IFT56: variants seen among roughly 807,000 people sequenced by gnomAD.
IFT56 encodes intraflagellar transport protein 56.
At chr7:139,134,820 G>C in the IFT56 span, 1 of 1,607,100 alleles carries the variant, frequency 6.2e-7, no homozygotes, top group East Asian at 2.2e-5. Flanking sequence ...TTGCTTCTTA[G>C]TGTATGAATA....
the IFT56 span, chr7:139,165,272 T>C: frequency 7.2e-7 from 1 of 1,391,252 alleles, no homozygotes; most frequent in Non-Finnish European, 1.0e-6. Flanking sequence ...TACAATGAGA[T>C]ATTTTAGAAT....
At chr7:139,178,582 C>A in the IFT56 span, 2 of 1,614,020 alleles carry the variant, frequency 1.2e-6, no homozygotes, top group Admixed American at 1.7e-5. Context: ...ACAGGCAATA[C>A]CAGTGAGGGC....
the IFT56 span, among the ~76,000 whole-genome samples, chr7:139,175,820 T>TTTTGTTTG: frequency 6.6e-6 from 1 of 151,712 alleles, no homozygotes; most frequent in Non-Finnish European, 1.5e-5. Flanking sequence ...AGTATTTGGT[T>TTTTGTTTG]TTTGTTTGTT....
chr7:139,183,827 A>T, the IFT56 span, among the ~76,000 whole-genome samples: 1 of 152,342 alleles, frequency 6.6e-6, no homozygotes, highest in East Asian at 1.9e-4. Context: ...CACAAATTTT[A>T]ATATTTAAAT....
At chr7:139,157,725 T>C in the IFT56 span, among the ~76,000 whole-genome samples, 1 of 152,050 alleles carries the variant, frequency 6.6e-6, no homozygotes, top group Non-Finnish European at 1.5e-5. Flanking sequence ...AGGTTGGTCT[T>C]GAACTCCTGG....
At chr7:139,178,245 C>G in the IFT56 span, 2 of 1,613,982 alleles carry the variant, frequency 1.2e-6, no homozygotes, top group African/African-American at 2.7e-5. Flanking sequence ...GCATGGCTTC[C>G]TGTTTCTTCC....
chr7:139,169,278 T>C, the IFT56 span: 1 of 1,613,160 alleles, frequency 6.2e-7, no homozygotes, highest in Non-Finnish European at 8.5e-7. Flanking sequence ...TCAGCTCAGT[T>C]TGTTTTTCAG....
chr7:139,169,375 T>A, the IFT56 span: 2 of 1,608,664 alleles, frequency 1.2e-6, no homozygotes, highest in Non-Finnish European at 1.7e-6. Context: ...TCTGTACTTA[T>A]GATCTGCTTC....
the IFT56 span, among the ~76,000 whole-genome samples, chr7:139,149,916 G>C: frequency 1.3e-5 from 2 of 151,564 alleles, no homozygotes; most frequent in Non-Finnish European, 2.9e-5. Flanking sequence ...ATAATATATA[G>C]ATATAGGTAG....
the IFT56 span, chr7:139,137,968 C>A: frequency 7.2e-7 from 1 of 1,383,708 alleles, no homozygotes; most frequent in Non-Finnish European, 1.0e-6. Context: ...TTTTTCCTAA[C>A]AGAACTGTGT....
At chr7:139,179,116 A>G in the IFT56 span, among the ~76,000 whole-genome samples, 6 of 152,338 alleles carry the variant, frequency 3.9e-5, no homozygotes, top group African/African-American at 1.4e-4. Context: ...GAGCTGGCTC[A>G]CACCTATAAT....
chr7:139,159,694 TA>T, the IFT56 span, among the ~76,000 whole-genome samples: 1 of 152,210 alleles, frequency 6.6e-6, no homozygotes, highest in African/African-American at 2.4e-5. Flanking sequence ...GCAAAAAATG[TA>T]AAACAATAAC....
chr7:139,182,105 CG>C, the IFT56 span, among the ~76,000 whole-genome samples: 6 of 145,762 alleles, frequency 4.1e-5, no homozygotes, highest in African/African-American at 1.0e-4. Context: ...TGTGGAGGGG[CG>C]GGGGGAGTTG....
chr7:139,162,173 G>A, the IFT56 span, among the ~76,000 whole-genome samples: 1 of 152,172 alleles, frequency 6.6e-6, no homozygotes, highest in Non-Finnish European at 1.5e-5. Context: ...GAAGCATCTA[G>A]ATAATGTAAT....
At chr7:139,146,904 G>A in the IFT56 span, 22 of 1,078,494 alleles carry the variant, frequency 2.0e-5, no homozygotes, top group Non-Finnish European at 2.9e-5. Flanking sequence ...GGGTCAAATA[G>A]TATTAACTGT....
At chr7:139,134,578 A>T in the IFT56 span, 1 of 1,475,256 alleles carries the variant, frequency 6.8e-7, no homozygotes, top group Non-Finnish European at 9.0e-7. Context: ...TTGACTTATA[A>T]ATTACAGAGC....
the IFT56 span, among the ~76,000 whole-genome samples, chr7:139,177,324 A>G: frequency 3.3e-5 from 5 of 151,460 alleles, no homozygotes; most frequent in South Asian, 6.3e-4. Context: ...TCAGATTCCT[A>G]TTTGAGTGGT....
chr7:139,159,654 C>G, the IFT56 span, among the ~76,000 whole-genome samples: 2 of 152,074 alleles, frequency 1.3e-5, no homozygotes, highest in African/African-American at 4.8e-5. Flanking sequence ...ATCCATCTAT[C>G]CTCTGTTAAG....
the IFT56 span, chr7:139,147,442 G>A: frequency 1.4e-6 from 1 of 714,070 alleles, no homozygotes; most frequent in Non-Finnish European, 2.2e-6. Context: ...ATTAGATATT[G>A]TCTAAATCAG....
Sources: allele counts gnomAD v4.1 joint callset (sites outside exome capture counted in the v4.1 genomes callset), GRCh38; gene constraint gnomAD v4.1.1; transcripts MANE v1.5; gene names NCBI Gene and HGNC (gene_info 2026-07-23, HGNC 2026-07-21).